The following MYO15A variants were observed in gnomAD, a reference collection of about 807,000 sequenced individuals.
MYO15A encodes the protein myosin XVA.
Under a neutral mutation model 394.6 loss-of-function variants are expected in MYO15A, and 308 were observed. That is an observed-to-expected ratio of 0.78 (90% CI 0.71 to 0.86). MYO15A has a LOEUF of 0.86. MYO15A is among the 40% of genes least tolerant of loss of function. The pLI is 0.00. For missense variants in MYO15A, 4,606 were observed against 4,799.1 expected (o/e 0.96, Z 1.19); for synonymous variants, 1,957 against 2,003.8 (o/e 0.98, Z 0.62).
At position 18,121,537 on chromosome 17, in the gene MYO15A, C is replaced by T. The variant is rs199512838; in HGVS notation, c.2737C>T (p.Pro913Ser). ...GGAACACCGGGAGAGCCCGCGAGAA[C>T]CCGAGGACTCAGAGACGCCCTGGAC... ...PLEHRESPRE[P>S]EDSETPWTVP... The change falls in exon 2 of 66, where the codon CCC (proline) becomes TCC (serine). Residue 913 changes from proline (P) to serine (S), a missense_variant. Physicochemically the swap from Pro to Ser is moderately conservative, Grantham distance 74. This residue lies in a region of MYO15A where 1,830 missense variants were observed against 1,689.7 expected (regional missense o/e 1.08). Transcript: ENST00000647165. This position sits in a 1 kb window ranked among gnomAD's most constrained non-coding sequence, Gnocchi z 5.3. 3 of 1,573,362 alleles carry T rather than the reference C, an allele frequency of 1.9e-6. No homozygotes were observed. In the Admixed American group the frequency reaches 5.4e-5, roughly 28 times the overall value.
chr17:18,116,739 G>C (rs2045791838), intron 1 of MYO15A, among the ~76,000 whole-genome samples: 1 of 152,068 alleles, frequency 6.6e-6, no homozygotes, highest in South Asian at 2.1e-4. Context: ...CGGCCAACAT[G>C]GTAAAAACCG....
In MYO15A at chr17:18,167,724, G is replaced by A. The variant is rs772568482; in HGVS notation, c.10082+1G>A. 2.0e-5 allele frequency: 32 copies of A among 1,602,656 alleles called. No individual in the cohort carries two copies. Among genetic ancestry groups the A allele is most frequent in the Non-Finnish European group, 2.7e-5 (32 of 1,179,948 alleles). Reference sequence around the variant, plus strand: ...AGGACCACTTCTACCTGCCGAGCGTGTGAGCATCTGCCCTCCTGCCTCAGC... The same window carrying A: ...AGGACCACTTCTACCTGCCGAGCGTATGAGCATCTGCCCTCCTGCCTCAGC... On this transcript the variant is annotated splice_donor_variant, in intron 62 of 65. Transcript: ENST00000647165. LOFTEE classifies it high-confidence loss of function.
rs199973505 is a variant in MYO15A at position 18,141,095 on chromosome 17, G to T, written c.5483G>T (p.Arg1828Leu). The T allele has an allele frequency of 4.3e-6, 7 of 1,614,004 alleles. No individual in the cohort carries two copies. The highest frequency in any genetic ancestry group is 5.9e-6 in the Non-Finnish European group (7 of 1,180,042). ...YSGVLETVRI[R>L]KEGFPVRLPF... ...GGGGTGCTGGAGACCGTGAGGATCC[G>T]CAAGGAGGGATTTCCAGTGCGCCTG... The change falls in exon 22 of 66, where the codon CGC (arginine) becomes CTC (leucine). Residue 1828 changes from arginine (R) to leucine (L), a missense_variant. Transcript: ENST00000647165.
At position 18,121,074 on chromosome 17, in the gene MYO15A, CG is replaced by C. The variant is rs1567623957; in HGVS notation, c.2278del (p.Ala760ProfsTer21). On this transcript the variant is annotated frameshift_variant, in exon 2 of 66. Transcript: ENST00000647165. LOFTEE classifies it high-confidence loss of function. This position sits in a 1 kb window ranked among gnomAD's most constrained non-coding sequence, Gnocchi z 5.3. ...RRRGAAFGFP[G>X]ASPRASRRRA... ...GGAGAGGGGCGGCTTTCGGCTTCCC[CG>C]GGGCCTCTCCACGGGCGTCGCGGAG... 5 of 1,506,150 alleles carry C rather than the reference CG, an allele frequency of 3.3e-6. No homozygotes were observed. The highest frequency in any genetic ancestry group is 2.9e-5 in the African/African-American group (2 of 69,648). 93.3% of individuals were successfully genotyped at this position (1,506,150 alleles called of 1,614,324 possible).
In MYO15A at chr17:18,159,588, GA is replaced by G; in HGVS notation, c.9230-17del. The G allele has an allele frequency of 6.2e-7, 1 of 1,613,368 alleles. No homozygotes were observed. The highest frequency in any genetic ancestry group is 8.5e-7 in the Non-Finnish European group (1 of 1,179,944). On this transcript the variant is annotated splice_polypyrimidine_tract_variant and intron_variant, in intron 54 of 65. Coordinates refer to ENST00000647165, the MANE Select transcript of MYO15A (RefSeq NM_016239.4). ...CTGGGGGTTTGGTGGGTCTGAGTGGGATAGGTCTTTCCTACAGCTGTAATGA... is the reference window on the plus strand; with the variant it reads ...CTGGGGGTTTGGTGGGTCTGAGTGGGTAGGTCTTTCCTACAGCTGTAATGA...
rs1477270127 is a variant in MYO15A, at chr17:18,141,136, A to G, written c.5524A>G (p.Ile1842Val). The change falls in exon 22 of 66, where the codon ATC becomes GTC. Residue 1842 changes from isoleucine to valine, a missense_variant. Ile to Val is a conservative substitution (Grantham distance 29). This residue lies in a region of MYO15A where 2,776 missense variants were observed against 3,109.3 expected (regional missense o/e 0.89). Coordinates refer to ENST00000647165, the MANE Select transcript of MYO15A (RefSeq NM_016239.4). ...AGTGCGCCTGCCTTTCCAGGGGTTC[A>G]TCGACAGGTATCTTGGTTACGGTAG... The part of the protein sequence containing the change: ...FPVRLPFQGF[I>V]DRYCCLVALK... 2 of 1,613,684 alleles carry G rather than the reference A, an allele frequency of 1.2e-6. No individual in the cohort carries two copies. The highest frequency in any genetic ancestry group is 2.2e-5 in the South Asian group (2 of 91,082).
intron 62 of MYO15A, 119 bp from the exon 63 acceptor site, chr17:18,171,519 G>C: frequency 1.4e-6 from 2 of 1,479,574 alleles, no homozygotes; most frequent in Non-Finnish European, 1.9e-6. Context: ...ACACTCCCTA[G>C]CATTTAGTCT....
rs1194603466 is a variant in MYO15A at position 18,119,285 on chromosome 17, G to T, written c.485G>T (p.Arg162Leu). 1 of 1,611,840 alleles carries T rather than the reference G, an allele frequency of 6.2e-7. No homozygotes were observed. The highest frequency in any genetic ancestry group is 1.1e-5 in the South Asian group (1 of 91,074). Residue 162 changes from arginine to leucine, a missense_variant, in exon 2 of 66, where the codon CGC (arginine) becomes CTC (leucine). By Grantham distance (102) the Arg-to-Leu change is moderately radical. Coordinates refer to ENST00000647165, the MANE Select transcript of MYO15A (RefSeq NM_016239.4). ...GCCACAGTGGACGCCTGGCTGCAGC[G>T]CTCGAGCTCCCGCATGGGCTCCCGC... ...EQATVDAWLQRSSSRMGSRKL... is the reference protein window; with the variant it reads ...EQATVDAWLQLSSSRMGSRKL...
intron 1 of MYO15A, chr17:18,110,581 A>T (rs888469164): frequency 6.6e-6 from 1 of 152,212 alleles, no homozygotes; most frequent in Non-Finnish European, 1.5e-5. Flanking sequence ...TGGCTTCCTC[A>T]CTGTGGGCTC....
rs764024647 is a variant in MYO15A, at chr17:18,121,612, C to G, written c.2812C>G (p.Arg938Gly). ...SWDVDMPPTQ[R>G]PPSPWPGGAG... ...GGACGTGGACATGCCTCCCACCCAA[C>G]GCCCACCCTCCCCCTGGCCAGGAGG... Residue 938 changes from arginine (R) to glycine (G), a missense_variant, in exon 2 of 66, where the codon CGC (arginine) becomes GGC (glycine). Physicochemically the swap from Arg to Gly is moderately radical, Grantham distance 125 (BLOSUM62 -2). Around this residue, in one of 2 missense-constraint regions of MYO15A, gnomAD observed 1,830 missense variants for 1,689.7 expected, o/e 1.08. Transcript: ENST00000647165. This position sits in a 1 kb window ranked among gnomAD's most constrained non-coding sequence, Gnocchi z 5.3. 6.8e-7 allele frequency: 1 copy of G among 1,472,760 alleles called. No individual in the cohort carries two copies. Among genetic ancestry groups the G allele is most frequent in the South Asian group, 1.1e-5 (1 of 87,276 alleles). The allele number at this position is 1,472,760 out of a possible 1,614,324, so 91.2% of individuals were successfully genotyped here.
In MYO15A at chr17:18,125,447, C is replaced by T. The variant is rs989618381; in HGVS notation, c.3756+216C>T. On this transcript the variant is annotated intron_variant, in intron 4 of 65. Coordinates refer to ENST00000647165, the MANE Select transcript of MYO15A (RefSeq NM_016239.4). ...ACAGTGGCTCACCCTGTAATCCCAG[C>T]ACTTTGGGAGACCGAGGCAGGTGGA... is the stretch of plus-strand genomic sequence containing the variant. The T allele has an allele frequency of 1.2e-5, 7 of 571,562 alleles. No homozygotes were observed. The Admixed American group carries it at 1.4e-4, about 12-fold the overall frequency. 35.4% of individuals were successfully genotyped at this position (571,562 alleles called of 1,614,324 possible). A position where few individuals can be genotyped will look rare whatever the true frequency, so the allele number is the denominator to read the frequency against.
In MYO15A at chr17:18,163,925, C is replaced by A. The variant is rs150013696; in HGVS notation, c.9787+87C>A. The A allele has an allele frequency of 1.9e-4, 264 of 1,389,500 alleles. No homozygotes were observed. The African/African-American group carries it at 3.5e-3, about 18-fold the overall frequency. The allele number at this position is 1,389,500 out of a possible 1,614,324, so 86.1% of individuals were successfully genotyped here. A position where few individuals can be genotyped will look rare whatever the true frequency, so the allele number is the denominator to read the frequency against. The stretch of plus-strand genomic sequence containing the variant: ...GGGGCCCTCCACCCAGATTTTAGGG[C>A]CCAAGTCAGGTGCCACTTCCTCCAG... On this transcript the variant is annotated intron_variant, in intron 60 of 65. Transcript: ENST00000647165.
At position 18,136,627 on chromosome 17, in the gene MYO15A, C is replaced by T. The variant is rs757017707; in HGVS notation, c.4720C>T (p.Leu1574=). The T allele has an allele frequency of 6.2e-7, 1 of 1,613,714 alleles. No individual in the cohort carries two copies. The highest frequency in any genetic ancestry group is 8.5e-7 in the Non-Finnish European group (1 of 1,180,008). The change falls in exon 15 of 66, where the codon CTG becomes TTG. Residue 1574 remains leucine (L), a synonymous_variant. Transcript: ENST00000647165. ...FSWLITRVNA[L]VSPRQDTLSI... The stretch of plus-strand genomic sequence containing the variant: ...CTGGCTCATCACCAGGGTCAACGCG[C>T]TGGTGTCCCCAAGGCAGGACACACT...
chr17:18,133,416 C>A, intron 12 of MYO15A, 30 bp downstream of exon 12: 1 of 1,611,284 alleles, frequency 6.2e-7, no homozygotes, highest in Non-Finnish European at 8.5e-7. Flanking sequence ...TGCCATGGGG[C>A]CCGCACCCTC....
At position 18,142,802 on chromosome 17, in the gene MYO15A, C is replaced by G; in HGVS notation, c.5872C>G (p.Leu1958Val). Residue 1958 changes from leucine to valine, a missense_variant, in exon 25 of 66, where the codon CTG (leucine) becomes GTG (valine). This residue lies in a region of MYO15A where 2,776 missense variants were observed against 3,109.3 expected (regional missense o/e 0.89). Coordinates refer to ENST00000647165, the MANE Select transcript of MYO15A (RefSeq NM_016239.4). ...GAGGAGTCTGGTGAAGTTCCGGTCC[C>G]TGGTACACGCATACGTGAGCCGCCG... ...MRRSLVKFRSLVHAYVSRRRY... is the reference protein window; with the variant it reads ...MRRSLVKFRSVVHAYVSRRRY... 1 of 1,613,692 alleles carries G rather than the reference C, an allele frequency of 6.2e-7. No individual in the cohort carries two copies. The highest frequency in any genetic ancestry group is 8.5e-7 in the Non-Finnish European group (1 of 1,179,928).
Position 18,148,131 on chromosome 17 carries a change from C to T in MYO15A, c.6612C>T (p.Arg2204=), listed in dbSNP as rs752560714. 48 of 1,613,742 alleles carry T rather than the reference C, an allele frequency of 3.0e-5. No individual in the cohort carries two copies. Among genetic ancestry groups the T allele is most frequent in the Middle Eastern group, 1.6e-4 (1 of 6,084 alleles). Residue 2204 remains arginine, a synonymous_variant, in exon 31 of 66, where the codon CGC becomes CGT. Coordinates refer to ENST00000647165, the MANE Select transcript of MYO15A (RefSeq NM_016239.4). The surrounding 1 kb of genome is among the most constrained non-coding windows in gnomAD (Gnocchi z 4.8). ...AACAGCAGGGCTCGGGGGCTGCCCG[C>T]ACCTTACCCCCGACCCAGCTCGAGT... is the stretch of plus-strand genomic sequence containing the variant. ...RAQQQGSGAA[R]TLPPTQLEWT... is the part of the protein sequence containing the mutation.
At chr17:18,114,018 G>A (rs1397957784) in intron 1 of MYO15A, among the ~76,000 whole-genome samples, 2 of 152,128 alleles carry the variant, frequency 1.3e-5, no homozygotes, top group African/African-American at 4.8e-5. Context: ...CTGCAGCAAT[G>A]AGCAGCTCTG....
In MYO15A at chr17:18,173,821, C is replaced by T. The variant is rs758295047; in HGVS notation, c.10391C>T (p.Thr3464Met). The change falls in exon 65 of 66, where the codon ACG (threonine) becomes ATG (methionine). Residue 3464 changes from threonine (T) to methionine (M), a missense_variant. Around this residue, in one of 2 missense-constraint regions of MYO15A, gnomAD observed 2,776 missense variants for 3,109.3 expected, o/e 0.89. Coordinates refer to ENST00000647165, the MANE Select transcript of MYO15A (RefSeq NM_016239.4). ...VKFPLKEIQS[T>M]RTQRPTANSS... ...TTCCCCCTGAAGGAGATCCAGTCGA[C>T]GCGGACCCAGCGGCCCACGGCCAAC... The T allele has an allele frequency of 1.5e-5, 24 of 1,613,918 alleles. No individual in the cohort carries two copies. Among genetic ancestry groups the T allele is most frequent in the Middle Eastern group, 1.6e-4 (1 of 6,084 alleles).
chr17:18,161,389 CCCA>C lies in MYO15A; in HGVS notation c.9461_9463del (p.Pro3154del), dbSNP rs774994332. ...ACCACAGCTGCTCTGAGGTCCTCCA[CCCA>C]CACCTCACTCGCTTCCTCCAAGACG... On this transcript the variant is annotated inframe_deletion, in exon 57 of 66. Coordinates refer to ENST00000647165, the MANE Select transcript of MYO15A (RefSeq NM_016239.4). The C allele has an allele frequency of 1.1e-5, 18 of 1,613,938 alleles. No homozygotes were observed. The highest frequency in any genetic ancestry group is 8.5e-7 in the Non-Finnish European group (1 of 1,180,020).
Sources: gnomAD v4.1 joint callset for allele counts (sites outside exome capture counted in the v4.1 genomes callset) on GRCh38, gnomAD v4.1.1 for gene constraint, gnomAD v4.1.1 regional missense constraint, Gnocchi (gnomAD v3.1) non-coding constraint, MANE v1.5 for transcripts, NCBI Gene and HGNC (gene_info 2026-07-23, HGNC 2026-07-21) for gene names.